Variants in SFT2D3 observed in about 807,000 individuals in gnomAD.
The protein encoded by SFT2D3 is vesicle transport protein SFT2C.
For synonymous variants in SFT2D3, 239 were observed against 191.2 expected, an observed-to-expected ratio of 1.25 and a Z score of -2.06; for missense variants, 405 against 334.6, an observed-to-expected ratio of 1.21 and a Z score of -1.64.
rs1685875989 is a variant in SFT2D3 at position 127,701,506 on chromosome 2, T to G, written c.-23T>G. ...GCCGGAAGTGAGCCGCAGCTTTTCC[T>G]TTCTGCCACCGCCTTGTCCAAGATG... On this transcript the variant is annotated 5_prime_UTR_variant, in exon 1 of 1. Coordinates refer to ENST00000310981, the MANE Select transcript of SFT2D3 (RefSeq NM_032740.4). 7.8e-7 allele frequency: 1 copy of G among 1,285,612 alleles called. No individual in the cohort carries two copies. The highest frequency in any genetic ancestry group is 9.9e-7 in the Non-Finnish European group (1 of 1,012,908). The allele number at this position is 1,285,612 out of a possible 1,614,324, so 79.6% of individuals were successfully genotyped here. A position where few individuals can be genotyped will look rare whatever the true frequency, so the allele number is the denominator to read the frequency against.
rs777910385 is a variant in SFT2D3 at position 127,701,554 on chromosome 2, A to G, written c.26A>G (p.Gln9Arg). Residue 9 changes from glutamine to arginine, a missense_variant, in exon 1 of 1, where the codon CAG becomes CGG. By Grantham distance (43) the Gln-to-Arg change is conservative. Coordinates refer to ENST00000310981, the MANE Select transcript of SFT2D3 (RefSeq NM_032740.4). ...ATGGCGGACCTCCACCGCCAGCTGC[A>G]GGAGTACCTGGCGCAGGGGAAAGCT... is the stretch of plus-strand genomic sequence containing the variant. MADLHRQL[Q>R]EYLAQGKAGG... is the part of the protein sequence containing the mutation. The G allele has an allele frequency of 2.2e-6, 3 of 1,365,164 alleles. No individual in the cohort carries two copies. Among genetic ancestry groups the G allele is most frequent in the African/African-American group, 1.5e-5 (1 of 66,124 alleles). 84.6% of individuals were successfully genotyped at this position (1,365,164 alleles called of 1,614,324 possible). A position where few individuals can be genotyped will look rare whatever the true frequency, so the allele number is the denominator to read the frequency against.
Position 127,702,128 on chromosome 2 carries a change from G to A in SFT2D3, c.600G>A (p.Leu200=). 1.6e-6 allele frequency: 2 copies of A among 1,217,084 alleles called. No individual in the cohort carries two copies. Among genetic ancestry groups the A allele is most frequent in the South Asian group, 8.1e-5 (2 of 24,618 alleles). The allele number at this position is 1,217,084 out of a possible 1,614,324, so 75.4% of individuals were successfully genotyped here. The change falls in exon 1 of 1, where the codon CTG becomes CTA. Residue 200 remains leucine (L), a synonymous_variant. Transcript: ENST00000310981. ...GCGGCACCGCGCTGCGCCTCGCACT[G>A]GGTCGCCTGGGCCGCGGCGCCGGCC... ...WGGGTALRLA[L]GRLGRGAGLA...
Position 127,704,752 on chromosome 2 carries a change from T to TA in SFT2D3, c.*2579dup, listed in dbSNP as rs1324194303. ...AACCAGTTAAATTTTCATATCCTGT[T>TA]AAACTATATCAGTATGCCTTTTCTA... On this transcript the variant is annotated 3_prime_UTR_variant, in exon 1 of 1. Transcript: ENST00000310981. 1 of 167,116 alleles carries TA rather than the reference T, an allele frequency of 6.0e-6. No homozygotes were observed. Among genetic ancestry groups the TA allele is most frequent in the Non-Finnish European group, 1.5e-5 (1 of 68,120 alleles). The allele number at this position is 167,116 out of a possible 1,614,324, so 10.4% of individuals were successfully genotyped here.
At position 127,701,549 on chromosome 2, in the gene SFT2D3, G is replaced by A. The variant is rs1221876396; in HGVS notation, c.21G>A (p.Gln7=). 3.0e-6 allele frequency: 4 copies of A among 1,351,948 alleles called. No individual in the cohort carries two copies. In the South Asian group the frequency reaches 5.6e-5, roughly 19 times the overall value. 83.7% of individuals were successfully genotyped at this position (1,351,948 alleles called of 1,614,324 possible). A position where few individuals can be genotyped will look rare whatever the true frequency, so the allele number is the denominator to read the frequency against. MADLHR[Q]LQEYLAQGKA... ...CCAAGATGGCGGACCTCCACCGCCA[G>A]CTGCAGGAGTACCTGGCGCAGGGGA... The change falls in exon 1 of 1, where the codon CAG becomes CAA. Residue 7 remains glutamine, a synonymous_variant. Coordinates refer to ENST00000310981, the MANE Select transcript of SFT2D3 (RefSeq NM_032740.4).
rs1685983304 is a variant in SFT2D3 at position 127,705,154 on chromosome 2, A to G, written c.*2978A>G. The G allele has an allele frequency of 6.0e-6, 1 of 167,140 alleles. No homozygotes were observed. The highest frequency in any genetic ancestry group is 1.5e-5 in the Non-Finnish European group (1 of 68,128). The allele number at this position is 167,140 out of a possible 1,614,324, so 10.4% of individuals were successfully genotyped here. On this transcript the variant is annotated 3_prime_UTR_variant, in exon 1 of 1. Coordinates refer to ENST00000310981, the MANE Select transcript of SFT2D3 (RefSeq NM_032740.4). This position sits in a 1 kb window ranked among gnomAD's most constrained non-coding sequence, Gnocchi z 4.5. ...GACTGATGCCAAAACTGAAGCTGCCAATGTAATGAAATGTTAAGGTGGCCA... is the reference window on the plus strand; with the variant it reads ...GACTGATGCCAAAACTGAAGCTGCCGATGTAATGAAATGTTAAGGTGGCCA...
In SFT2D3 at chr2:127,704,060, G is replaced by A. The variant is rs1035513666; in HGVS notation, c.*1884G>A. The stretch of plus-strand genomic sequence containing the variant: ...GATCACTTGAGCCCAGGAGGTTGAG[G>A]CTGCAGTGAACTGTGATCACACCAC... On this transcript the variant is annotated 3_prime_UTR_variant, in exon 1 of 1. Coordinates refer to ENST00000310981, the MANE Select transcript of SFT2D3 (RefSeq NM_032740.4). 1 of 166,170 alleles carries A rather than the reference G, an allele frequency of 6.0e-6. No individual in the cohort carries two copies. Among genetic ancestry groups the A allele is most frequent in the African/African-American group, 2.4e-5 (1 of 41,356 alleles). 10.3% of individuals were successfully genotyped at this position (166,170 alleles called of 1,614,324 possible). A position where few individuals can be genotyped will look rare whatever the true frequency, so the allele number is the denominator to read the frequency against.
chr2:127,703,559 C>T lies in SFT2D3; in HGVS notation c.*1383C>T. On this transcript the variant is annotated 3_prime_UTR_variant, in exon 1 of 1. Coordinates refer to ENST00000310981, the MANE Select transcript of SFT2D3 (RefSeq NM_032740.4). ...AACATCCACACTGTAGGCTTGCAGG[C>T]TACCCGCCCTGAGATTTGGTAAAGA... The T allele has an allele frequency of 1.8e-5, 3 of 167,222 alleles. No homozygotes were observed. 10.4% of individuals were successfully genotyped at this position (167,222 alleles called of 1,614,324 possible). A position where few individuals can be genotyped will look rare whatever the true frequency, so the allele number is the denominator to read the frequency against.
In SFT2D3 at chr2:127,701,685, TG is replaced by T. The variant is rs1404703527; in HGVS notation, c.160del (p.Ala54ArgfsTer12). The part of the protein sequence containing the change: ...WLGRAGLRWT[W>X]ARSPAESAAA... Reference sequence around the variant, plus strand: ...GGGCCGCGCGGGCTTGCGCTGGACGTGGGCGCGGAGCCCTGCGGAGTCGGCA... The same window carrying T: ...GGGCCGCGCGGGCTTGCGCTGGACGTGGCGCGGAGCCCTGCGGAGTCGGCA... On this transcript the variant is annotated frameshift_variant, in exon 1 of 1. Coordinates refer to ENST00000310981, the MANE Select transcript of SFT2D3 (RefSeq NM_032740.4). LOFTEE classifies it low-confidence loss of function (END_TRUNC). The T allele has an allele frequency of 2.2e-5, 29 of 1,299,168 alleles. No homozygotes were observed. The highest frequency in any genetic ancestry group is 2.7e-5 in the Non-Finnish European group (28 of 1,029,318). 80.5% of individuals were successfully genotyped at this position (1,299,168 alleles called of 1,614,324 possible).
rs187638409 is a variant in SFT2D3 at position 127,701,705 on chromosome 2, G to A, written c.177G>A (p.Glu59=). The change falls in exon 1 of 1, where the codon GAG becomes GAA. Residue 59 remains glutamate (E), a synonymous_variant. Coordinates refer to ENST00000310981, the MANE Select transcript of SFT2D3 (RefSeq NM_032740.4). ...LRWTWARSPA[E]SAAAGLTCLP... ...GGACGTGGGCGCGGAGCCCTGCGGA[G>A]TCGGCAGCGGCCGGCCTGACGTGCC... 1.0e-4 allele frequency: 133 copies of A among 1,325,748 alleles called. 2 individuals carry two copies. The East Asian group carries it at 4.2e-3, about 42-fold the overall frequency. The allele number at this position is 1,325,748 out of a possible 1,614,324, so 82.1% of individuals were successfully genotyped here.
In SFT2D3 at chr2:127,701,776, G is replaced by T. The variant is rs1281002368; in HGVS notation, c.248G>T (p.Cys83Phe). The T allele has an allele frequency of 4.9e-6, 7 of 1,430,038 alleles. No individual in the cohort carries two copies. The highest frequency in any genetic ancestry group is 6.4e-6 in the Non-Finnish European group (7 of 1,091,918). The allele number at this position is 1,430,038 out of a possible 1,614,324, so 88.6% of individuals were successfully genotyped here. Residue 83 changes from cysteine (C) to phenylalanine (F), a missense_variant, in exon 1 of 1, where the codon TGC (cysteine) becomes TTC (phenylalanine). By Grantham distance (205) the Cys-to-Phe change is radical. Coordinates refer to ENST00000310981, the MANE Select transcript of SFT2D3 (RefSeq NM_032740.4). ...RGQRLAAGGG[C>F]LLLAALCFGL... Reference sequence around the variant, plus strand: ...CAGCGGCTGGCGGCGGGCGGCGGGTGCCTGCTGCTGGCTGCACTGTGTTTC... The same window carrying T: ...CAGCGGCTGGCGGCGGGCGGCGGGTTCCTGCTGCTGGCTGCACTGTGTTTC...
rs965829108 is a variant in SFT2D3 at position 127,702,034 on chromosome 2, C to G, written c.506C>G (p.Thr169Arg). Residue 169 changes from threonine to arginine, a missense_variant, in exon 1 of 1, where the codon ACG becomes AGG. Thr to Arg is a moderately conservative substitution (Grantham distance 71). Coordinates refer to ENST00000310981, the MANE Select transcript of SFT2D3 (RefSeq NM_032740.4). The stretch of plus-strand genomic sequence containing the variant: ...CTGGGCCTTCGCAGCACGCTGCTCA[C>G]GGTGCTGGGCGCGGGCGCGCAGGTG... Reference protein sequence around the residue: ...AALGLRSTLLTVLGAGAQVAA... With the variant: ...AALGLRSTLLRVLGAGAQVAA... 7.3e-6 allele frequency: 9 copies of G among 1,239,436 alleles called. No homozygotes were observed. In the Admixed American group the frequency reaches 1.3e-4, roughly 18 times the overall value. 76.8% of individuals were successfully genotyped at this position (1,239,436 alleles called of 1,614,324 possible).
rs1685924913 is a variant in SFT2D3 at position 127,702,725 on chromosome 2, GT to G, written c.*555del. The G allele has an allele frequency of 6.0e-6, 1 of 167,038 alleles. No individual in the cohort carries two copies. Among genetic ancestry groups the G allele is most frequent in the South Asian group, 2.1e-4 (1 of 4,826 alleles). 10.3% of individuals were successfully genotyped at this position (167,038 alleles called of 1,614,324 possible). ...AAGTACTTAAGATGGTTTATCTCGG[GT>G]TTTTTCTTCAGTTAACAAAATCATA... On this transcript the variant is annotated 3_prime_UTR_variant, in exon 1 of 1. Coordinates refer to ENST00000310981, the MANE Select transcript of SFT2D3 (RefSeq NM_032740.4).
rs1381655903 is a variant in SFT2D3, at chr2:127,701,646, G to C, written c.118G>C (p.Ala40Pro). 11 of 1,305,078 alleles carry C rather than the reference G, an allele frequency of 8.4e-6. No homozygotes were observed. The East Asian group carries it at 3.1e-4, about 37-fold the overall frequency. The allele number at this position is 1,305,078 out of a possible 1,614,324, so 80.8% of individuals were successfully genotyped here. A position where few individuals can be genotyped will look rare whatever the true frequency, so the allele number is the denominator to read the frequency against. ...EKAEEPGDRP[A>P]EEWLGRAGLR... ...GGCGGAGGAGCCCGGGGACCGGCCGGCGGAGGAGTGGCTGGGCCGCGCGGG... is the reference window on the plus strand; with the variant it reads ...GGCGGAGGAGCCCGGGGACCGGCCGCCGGAGGAGTGGCTGGGCCGCGCGGG... Residue 40 changes from alanine (A) to proline (P), a missense_variant, in exon 1 of 1, where the codon GCG (alanine) becomes CCG (proline). Coordinates refer to ENST00000310981, the MANE Select transcript of SFT2D3 (RefSeq NM_032740.4).
Position 127,702,102 on chromosome 2 carries a change from G to T in SFT2D3, c.574G>T (p.Gly192Cys), listed in dbSNP as rs1043684003. ...GCTGGTTGGGCTGCTGCCCTGGGGC[G>T]GCGGCACCGCGCTGCGCCTCGCACT... ...AALVGLLPWG[G>C]GTALRLALGR... The change falls in exon 1 of 1, where the codon GGC (glycine) becomes TGC (cysteine). Residue 192 changes from glycine to cysteine, a missense_variant. By Grantham distance (159) the Gly-to-Cys change is radical (BLOSUM62 -3). Coordinates refer to ENST00000310981, the MANE Select transcript of SFT2D3 (RefSeq NM_032740.4). 1.1e-5 allele frequency: 13 copies of T among 1,217,354 alleles called. No homozygotes were observed. In the African/African-American group the frequency reaches 1.9e-4, roughly 18 times the overall value. 75.4% of individuals were successfully genotyped at this position (1,217,354 alleles called of 1,614,324 possible).
Position 127,701,551 on chromosome 2 carries a change from T to C in SFT2D3, c.23T>C (p.Leu8Pro), listed in dbSNP as rs1214418226. MADLHRQ[L>P]QEYLAQGKAG... is the part of the protein sequence containing the mutation. ...AAGATGGCGGACCTCCACCGCCAGC[T>C]GCAGGAGTACCTGGCGCAGGGGAAA... Residue 8 changes from leucine to proline, a missense_variant, in exon 1 of 1, where the codon CTG (leucine) becomes CCG (proline). Leu to Pro is a moderately conservative substitution (Grantham distance 98). Coordinates refer to ENST00000310981, the MANE Select transcript of SFT2D3 (RefSeq NM_032740.4). 1.3e-5 allele frequency: 18 copies of C among 1,360,554 alleles called. No individual in the cohort carries two copies. The highest frequency in any genetic ancestry group is 3.0e-5 in the African/African-American group (2 of 65,918). The allele number at this position is 1,360,554 out of a possible 1,614,324, so 84.3% of individuals were successfully genotyped here.
chr2:127,704,502 T>A lies in SFT2D3; in HGVS notation c.*2326T>A, dbSNP rs903087798. On this transcript the variant is annotated 3_prime_UTR_variant, in exon 1 of 1. Transcript: ENST00000310981. The stretch of plus-strand genomic sequence containing the variant: ...AATTTGATTACAGTTTCTCTCTCTT[T>A]AAGCTATACCAGTTGGGGGTGAGTG... The A allele has an allele frequency of 6.0e-6, 1 of 167,064 alleles. No homozygotes were observed. The highest frequency in any genetic ancestry group is 2.4e-5 in the African/African-American group (1 of 41,440). The allele number at this position is 167,064 out of a possible 1,614,324, so 10.3% of individuals were successfully genotyped here. A position where few individuals can be genotyped will look rare whatever the true frequency, so the allele number is the denominator to read the frequency against.
rs1685963748 is a variant in SFT2D3, at chr2:127,704,413, C to T, written c.*2237C>T. The T allele has an allele frequency of 6.0e-6, 1 of 166,874 alleles. No individual in the cohort carries two copies. Among genetic ancestry groups the T allele is most frequent in the African/African-American group, 2.4e-5 (1 of 41,406 alleles). 10.3% of individuals were successfully genotyped at this position (166,874 alleles called of 1,614,324 possible). A position where few individuals can be genotyped will look rare whatever the true frequency, so the allele number is the denominator to read the frequency against. On this transcript the variant is annotated 3_prime_UTR_variant, in exon 1 of 1. Transcript: ENST00000310981. Reference sequence around the variant, plus strand: ...ATAATGAAAATTTTTCCACTAGAATCTCAGGGAAAAAAAGTCTAATCTTGA... The same window carrying T: ...ATAATGAAAATTTTTCCACTAGAATTTCAGGGAAAAAAAGTCTAATCTTGA...
In SFT2D3 at chr2:127,701,981, A is replaced by AGCGCTGGGCGCCACGCTGTTCGCC. The variant is rs1316252166; in HGVS notation, c.463_486dup (p.Ala155_Gly162dup). On this transcript the variant is annotated inframe_insertion, in exon 1 of 1. Transcript: ENST00000310981. ...CCCGGCCCGCGCTGCTCTACATGGC[A>AGCGCTGGGCGCCACGCTGTTCGCC]GCGCTGGGCGCCACGCTGTTCGCCG... 17 of 1,359,092 alleles carry AGCGCTGGGCGCCACGCTGTTCGCC rather than the reference A, an allele frequency of 1.3e-5. No homozygotes were observed. In the Admixed American group the frequency reaches 3.4e-4, roughly 27 times the overall value. 84.2% of individuals were successfully genotyped at this position (1,359,092 alleles called of 1,614,324 possible).
At position 127,701,505 on chromosome 2, in the gene SFT2D3, C is replaced by G; in HGVS notation, c.-24C>G. 7.8e-7 allele frequency: 1 copy of G among 1,285,468 alleles called. No homozygotes were observed. The highest frequency in any genetic ancestry group is 9.9e-7 in the Non-Finnish European group (1 of 1,012,862). 79.6% of individuals were successfully genotyped at this position (1,285,468 alleles called of 1,614,324 possible). A position where few individuals can be genotyped will look rare whatever the true frequency, so the allele number is the denominator to read the frequency against. On this transcript the variant is annotated 5_prime_UTR_variant, in exon 1 of 1. Transcript: ENST00000310981. ...GGCCGGAAGTGAGCCGCAGCTTTTC[C>G]TTTCTGCCACCGCCTTGTCCAAGAT...
Sources: gnomAD v4.1 joint callset for allele counts on GRCh38, gnomAD v4.1.1 for gene constraint, Gnocchi (gnomAD v3.1) non-coding constraint, MANE v1.5 for transcripts, NCBI Gene and HGNC (gene_info 2026-07-23, HGNC 2026-07-21) for gene names.